Variants in TMEM163 observed in about 807,000 individuals in gnomAD.
TMEM163 encodes the protein transmembrane protein 163.
A neutral mutation model predicts 29.3 loss-of-function variants in TMEM163; 17 were observed. The ratio of observed to expected loss-of-function variants is 0.58; its 90% CI spans 0.40 to 0.87. TMEM163 has a LOEUF of 0.87. Ranked by LOEUF, TMEM163 falls within the 40% of genes least tolerant of loss-of-function variation. The pLI is 0.00. For missense variants in TMEM163, 303 were observed against 381.5 expected, an observed-to-expected ratio of 0.79 and a Z score of 1.71; for synonymous variants, 157 against 160.6, an observed-to-expected ratio of 0.98 and a Z score of 0.17.
At chr2:134,576,145 C>T (rs143769475) in intron 2 of TMEM163, among the ~76,000 whole-genome samples, 46 of 152,056 alleles carry the variant, frequency 3.0e-4, no homozygotes, top group African/African-American at 1.1e-3. Context: ...TCAGCTGGAG[C>T]GGGGTGGTGT....
At chr2:134,715,775 G>C (rs184156995) in intron 1 of TMEM163, among the ~76,000 whole-genome samples, 95 of 152,322 alleles carry the variant, frequency 6.2e-4, no homozygotes, top group Admixed American at 1.9e-3. Flanking sequence ...AAGAAAGCCA[G>C]GCTGAAGAGA....
chr2:134,529,706 T>C (rs933525132), intron 4 of TMEM163, among the ~76,000 whole-genome samples: 5 of 150,544 alleles, frequency 3.3e-5, no homozygotes, highest in African/African-American at 1.2e-4. Context: ...TGAGCCAAGA[T>C]CTCCCCGGCG....
chr2:134,549,036 CTT>C (rs1680850436), intron 4 of TMEM163, among the ~76,000 whole-genome samples: 1 of 148,872 alleles, frequency 6.7e-6, no homozygotes. Flanking sequence ...CACAAATTCA[CTT>C]TTAAAAATTA....
chr2:134,535,867 T>A (rs1340875277), intron 4 of TMEM163, among the ~76,000 whole-genome samples: 1 of 152,044 alleles, frequency 6.6e-6, no homozygotes, highest in Non-Finnish European at 1.5e-5. Context: ...GGACTACAGA[T>A]GTGCACCACG....
chr2:134,632,908 A>T (rs1055877800), intron 2 of TMEM163, among the ~76,000 whole-genome samples: 1 of 143,254 alleles, frequency 7.0e-6, no homozygotes, highest in African/African-American at 2.6e-5. Context: ...ACACCCAGCT[A>T]ATTTTTTTTT....
At chr2:134,581,394 C>A (rs977354998) in intron 2 of TMEM163, among the ~76,000 whole-genome samples, 7 of 152,172 alleles carry the variant, frequency 4.6e-5, no homozygotes, top group Admixed American at 4.6e-4. Flanking sequence ...ATAGCCTTAG[C>A]AACACATCAT....
At chr2:134,716,872 T>C (rs2104903932) in intron 1 of TMEM163, among the ~76,000 whole-genome samples, 1 of 152,322 alleles carries the variant, frequency 6.6e-6, no homozygotes, top group East Asian at 1.9e-4. Flanking sequence ...GAATGTCACA[T>C]TGACGTTCAG....
intron 2 of TMEM163, among the ~76,000 whole-genome samples, chr2:134,556,331 A>G (rs1382748353): frequency 6.6e-6 from 1 of 152,236 alleles, no homozygotes; most frequent in Non-Finnish European, 1.5e-5. Flanking sequence ...ATGTTGACCC[A>G]GTAATCCCAT....
chr2:134,649,562 A>G (rs1461485189), intron 2 of TMEM163, among the ~76,000 whole-genome samples: 1 of 152,228 alleles, frequency 6.6e-6, no homozygotes, highest in Non-Finnish European at 1.5e-5. Context: ...TAAGACAGAG[A>G]CATAGATAAA....
intron 2 of TMEM163, among the ~76,000 whole-genome samples, chr2:134,578,643 C>T (rs6751471): frequency 8.7e-4 from 133 of 152,280 alleles, no homozygotes; most frequent in African/African-American, 3.1e-3. Flanking sequence ...TACTAACAAG[C>T]AGCTGTGATT....
intron 4 of TMEM163, 42 bp from the exon 5 acceptor site, chr2:134,503,039 C>A: frequency 6.5e-7 from 1 of 1,548,766 alleles, no homozygotes; most frequent in South Asian, 1.2e-5. Flanking sequence ...TGGGAGAACT[C>A]ACACTGCTGA....
At chr2:134,672,124 T>C (rs1684008711) in intron 2 of TMEM163, among the ~76,000 whole-genome samples, 1 of 152,130 alleles carries the variant, frequency 6.6e-6, no homozygotes, top group African/African-American at 2.4e-5. Context: ...TAACAAAAAG[T>C]GTATTAGCTG....
At chr2:134,519,707 G>A (rs1279035065) in intron 4 of TMEM163, among the ~76,000 whole-genome samples, 3 of 150,158 alleles carry the variant, frequency 2.0e-5, no homozygotes, top group East Asian at 2.0e-4. Flanking sequence ...GTGAGATTCC[G>A]TGTCAAAAAT....
chr2:134,533,984 C>T (rs1031082052), intron 4 of TMEM163, among the ~76,000 whole-genome samples: 13 of 152,180 alleles, frequency 8.5e-5, no homozygotes, highest in African/African-American at 3.1e-4. Context: ...TCACAGTGGT[C>T]CTCCTCACAT....
At chr2:134,554,622 AC>A (rs1681008221) in intron 2 of TMEM163, among the ~76,000 whole-genome samples, 1 of 152,070 alleles carries the variant, frequency 6.6e-6, no homozygotes, top group Non-Finnish European at 1.5e-5. Flanking sequence ...TTTCAAGTAG[AC>A]ATTCACTTGA....
intron 2 of TMEM163, among the ~76,000 whole-genome samples, chr2:134,587,728 C>T (rs1681853585): frequency 6.6e-6 from 1 of 152,190 alleles, no homozygotes; most frequent in African/African-American, 2.4e-5. Flanking sequence ...TTGTAGGTAA[C>T]AAAGATGCAG....
intron 4 of TMEM163, among the ~76,000 whole-genome samples, chr2:134,505,100 A>C (rs371555013): frequency 6.6e-6 from 1 of 152,100 alleles, no homozygotes; most frequent in African/African-American, 2.4e-5. Context: ...AAGTTTCGCA[A>C]TGTGGTCCTT....
intron 2 of TMEM163, among the ~76,000 whole-genome samples, chr2:134,684,830 C>A (rs1259994758): frequency 6.7e-6 from 1 of 149,130 alleles, no homozygotes; most frequent in Non-Finnish European, 1.5e-5. Context: ...GGCTGAGGCA[C>A]GAGAATTGCT....
chr2:134,536,232 T>A (rs1002026175), intron 4 of TMEM163, among the ~76,000 whole-genome samples: 1 of 22,962 alleles, frequency 4.4e-5, no homozygotes, highest in African/African-American at 2.2e-4. Flanking sequence ...TAAAACACCA[T>A]TTTTTTTGCC....
Sources: gnomAD v4.1 joint callset for allele counts (sites outside exome capture counted in the v4.1 genomes callset) on GRCh38, gnomAD v4.1.1 for gene constraint, MANE v1.5 for transcripts, NCBI Gene and HGNC (gene_info 2026-07-23, HGNC 2026-07-21) for gene names.